The following ANGPT1 variants were observed in gnomAD, a reference collection of about 807,000 sequenced individuals.
ANGPT1 encodes angiopoietin 1.
Under a neutral mutation model 62.2 loss-of-function variants are expected in ANGPT1, and 17 were observed. That is an observed-to-expected ratio of 0.27 (90% CI 0.19 to 0.41). The LOEUF (loss-of-function observed/expected upper bound fraction) is 0.41. Among genes scored for constraint, ANGPT1 ranks in the 10% least tolerant of loss-of-function variants. ANGPT1 has a pLI of 1.00. For missense variants in ANGPT1, 478 were observed against 594.9 expected, an observed-to-expected ratio of 0.80 and a Z score of 2.04; for synonymous variants, 199 against 198.9, an observed-to-expected ratio of 1.00 and a Z score of 0.00.
rs187002130 is a variant in ANGPT1 at position 107,375,084 on chromosome 8, C to T, written c.298-27987G>A. ...CTGAGGCAGGAGATTCGCTTGAACC[C>T]AGGAGGCGGAGCTTGCAGTGAGCCG... On this transcript the variant is annotated intron_variant, in intron 1 of 8. Coordinates refer to ENST00000517746, the MANE Select transcript of ANGPT1 (RefSeq NM_001146.5). Among the ~76,000 whole-genome samples, 584 of 152,178 alleles carry T rather than the reference C, an allele frequency of 3.8e-3. 5 individuals are homozygous for T. Among genetic ancestry groups the T allele is most frequent in the African/African-American group, 0.013 (548 of 41,512 alleles).
At chr8:107,381,033 G>T (rs1007476966) in intron 1 of ANGPT1, among the ~76,000 whole-genome samples, 4 of 152,210 alleles carry the variant, frequency 2.6e-5, no homozygotes, top group African/African-American at 9.6e-5. Flanking sequence ...GGAGACTGTA[G>T]AAAAGTTCAA....
intron 1 of ANGPT1, among the ~76,000 whole-genome samples, chr8:107,353,045 T>C (rs1311917856): frequency 6.6e-6 from 1 of 152,222 alleles, no homozygotes; most frequent in Non-Finnish European, 1.5e-5. Context: ...CTATTTCTTT[T>C]ATGAAATGGA....
chr8:107,282,655 C>T (rs1273948049), intron 7 of ANGPT1, among the ~76,000 whole-genome samples: 1 of 140,610 alleles, frequency 7.1e-6, no homozygotes, highest in Admixed American at 7.3e-5. Flanking sequence ...TACATTTCTT[C>T]TGGCTTTATA....
intron 1 of ANGPT1, among the ~76,000 whole-genome samples, chr8:107,358,562 C>T (rs368885298): frequency 6.6e-5 from 10 of 152,216 alleles, no homozygotes; most frequent in East Asian, 1.9e-4. Context: ...GAGAATGAAA[C>T]GAAGCATGAG....
At position 107,251,088 on chromosome 8, in the gene ANGPT1, G is replaced by A. The variant is rs1813239165; in HGVS notation, c.*767C>T. ...GTTTTTAGAGTAAATGAAAACCATAGTATGGGGGTGGTAAGTTTTCACCAC... is the reference window on the plus strand; with the variant it reads ...GTTTTTAGAGTAAATGAAAACCATAATATGGGGGTGGTAAGTTTTCACCAC... On this transcript the variant is annotated 3_prime_UTR_variant, in exon 9 of 9. Coordinates refer to ENST00000517746, the MANE Select transcript of ANGPT1 (RefSeq NM_001146.5). The A allele has an allele frequency of 6.6e-6, 1 of 152,046 alleles. No individual in the cohort carries two copies. The highest frequency in any genetic ancestry group is 1.5e-5 in the Non-Finnish European group (1 of 67,984). 9.4% of individuals were successfully genotyped at this position (152,046 alleles called of 1,614,324 possible).
At chr8:107,496,820 C>G (rs1813112646) in intron 1 of ANGPT1, among the ~76,000 whole-genome samples, 2 of 152,030 alleles carry the variant, frequency 1.3e-5, no homozygotes, top group Non-Finnish European at 2.9e-5. Context: ...GTTAAAAAAA[C>G]AAATACTTTG....
At chr8:107,380,232 G>A (rs1264318580) in intron 1 of ANGPT1, among the ~76,000 whole-genome samples, 1 of 152,096 alleles carries the variant, frequency 6.6e-6, no homozygotes, top group East Asian at 1.9e-4. Flanking sequence ...GCCATTACCT[G>A]TGTGGTAATG....
intron 1 of ANGPT1, among the ~76,000 whole-genome samples, chr8:107,485,278 TTTG>T (rs1457690387): frequency 1.3e-5 from 2 of 152,120 alleles, no homozygotes; most frequent in African/African-American, 4.8e-5. Context: ...CGCTGAGTTG[TTTG>T]TTGTTGTGCT....
intron 3 of ANGPT1, among the ~76,000 whole-genome samples, chr8:107,328,506 G>A (rs1815341818): frequency 6.6e-6 from 1 of 151,886 alleles, no homozygotes; most frequent in South Asian, 2.1e-4. Context: ...GAGATGTAAT[G>A]TTTCTATTAA....
chr8:107,253,716 T>C (rs535819013), intron 8 of ANGPT1, among the ~76,000 whole-genome samples: 2 of 152,086 alleles, frequency 1.3e-5, no homozygotes, highest in South Asian at 4.2e-4. Flanking sequence ...CCCAGAGGAG[T>C]GCGGAAAGAC....
chr8:107,299,117 G>A (rs1490164094), intron 5 of ANGPT1, among the ~76,000 whole-genome samples: 2 of 151,530 alleles, frequency 1.3e-5, no homozygotes, highest in Non-Finnish European at 3.0e-5. Context: ...CCTTGCCTGT[G>A]TAGCTCACAT....
At chr8:107,301,905 T>C (rs1814598537) in intron 5 of ANGPT1, among the ~76,000 whole-genome samples, 1 of 151,922 alleles carries the variant, frequency 6.6e-6, no homozygotes, top group Non-Finnish European at 1.5e-5. Context: ...TGGACTATAG[T>C]CCAGACTTCC....
chr8:107,370,368 GA>G (rs1563590995), intron 1 of ANGPT1, among the ~76,000 whole-genome samples: 3 of 33,894 alleles, frequency 8.9e-5, no homozygotes, highest in Non-Finnish European at 2.1e-4. Flanking sequence ...AAGAAAGAAA[GA>G]AAGAAAGAAA....
At chr8:107,428,214 T>C (rs73313618) in intron 1 of ANGPT1, among the ~76,000 whole-genome samples, 2 of 152,272 alleles carry the variant, frequency 1.3e-5, no homozygotes, top group East Asian at 1.9e-4. Flanking sequence ...CCTTCCCAGA[T>C]GACATTCACC....
At chr8:107,297,165 C>T (rs765469420) in intron 5 of ANGPT1, among the ~76,000 whole-genome samples, 1 of 151,994 alleles carries the variant, frequency 6.6e-6, no homozygotes, top group Non-Finnish European at 1.5e-5. Context: ...AGGCAGATTA[C>T]TAAGTTGGAA....
chr8:107,491,809 A>G (rs1356209020), intron 1 of ANGPT1, among the ~76,000 whole-genome samples: 2 of 152,212 alleles, frequency 1.3e-5, no homozygotes, highest in Admixed American at 6.5e-5. Flanking sequence ...TAAGGGGGGA[A>G]ATGACATTCT....
chr8:107,350,087 G>GTA (rs1031976508), intron 1 of ANGPT1, among the ~76,000 whole-genome samples: 3 of 152,030 alleles, frequency 2.0e-5, no homozygotes, highest in African/African-American at 4.8e-5. Flanking sequence ...TTCACTTGAT[G>GTA]TATATATATA....
chr8:107,288,521 G>A (rs74904851), intron 6 of ANGPT1, among the ~76,000 whole-genome samples: 2 of 152,014 alleles, frequency 1.3e-5, no homozygotes, highest in African/African-American at 4.8e-5. Context: ...AATACAGATG[G>A]TTAGGTCCCC....
chr8:107,469,914 C>T (rs1352674577), intron 1 of ANGPT1, among the ~76,000 whole-genome samples: 1 of 152,030 alleles, frequency 6.6e-6, no homozygotes, highest in Non-Finnish European at 1.5e-5. Context: ...TACCTTTTCA[C>T]AAGGCATACA....
Sources: gnomAD v4.1 joint callset for allele counts (sites outside exome capture counted in the v4.1 genomes callset) on GRCh38, gnomAD v4.1.1 for gene constraint, MANE v1.5 for transcripts, NCBI Gene and HGNC (gene_info 2026-07-23, HGNC 2026-07-21) for gene names.